Variants in GNAL observed in about 807,000 individuals in gnomAD.
GNAL encodes guanine nucleotide-binding protein G(olf) subunit alpha.
In GNAL, 18 loss-of-function variants were observed where a neutral mutation model predicts 55.1. That is an observed-to-expected ratio of 0.33 (90% CI 0.23 to 0.48). The LOEUF (loss-of-function observed/expected upper bound fraction) is 0.48. GNAL is among the 20% of genes least tolerant of loss of function. GNAL has a pLI of 0.99. For synonymous variants in GNAL, 253 were observed against 237.0 expected (o/e 1.07, Z -0.62); for missense variants, 412 against 614.1 (o/e 0.67, Z 3.48).
At chr18:11,795,728 G>A (rs576763602) in intron 4 of GNAL, among the ~76,000 whole-genome samples, 1 of 152,320 alleles carries the variant, frequency 6.6e-6, no homozygotes, top group Admixed American at 6.5e-5. Flanking sequence ...CCAAGCTGCA[G>A]GACAGCAGGA....
intron 4 of GNAL, among the ~76,000 whole-genome samples, chr18:11,790,425 C>T (rs1219782804): frequency 1.3e-5 from 2 of 152,144 alleles, no homozygotes; most frequent in African/African-American, 2.4e-5. Context: ...GTGTTGTTTA[C>T]AATAATGTAA....
chr18:11,863,949 T>C (rs766700045), intron 6 of GNAL, among the ~76,000 whole-genome samples: 32 of 152,148 alleles, frequency 2.1e-4, no homozygotes, highest in Non-Finnish European at 2.8e-4. Flanking sequence ...GGTTGTCAGG[T>C]ATATGTTAGT....
At chr18:11,861,627 G>T (rs787553) in intron 5 of GNAL, among the ~76,000 whole-genome samples, 129,274 of 152,090 alleles carry the variant, frequency 0.85, 56,915 homozygotes, top group East Asian at 0.97. Context: ...GAGAGGGCGG[G>T]GGAGGCCTGT....
rs376040486 is a variant in GNAL at position 11,868,504 on chromosome 18, A to T, written c.911-39A>T. Reference sequence around the variant, plus strand: ...ACTTTCTTGTAACTCCACAGTGAGGATGTCTAACTGAGGTGCTTTCCTTTT... The same window carrying T: ...ACTTTCTTGTAACTCCACAGTGAGGTTGTCTAACTGAGGTGCTTTCCTTTT... On this transcript the variant is annotated intron_variant, in intron 8 of 11. Coordinates refer to ENST00000334049, the MANE Select transcript of GNAL (RefSeq NM_182978.4). The surrounding 1 kb of genome is among the most constrained non-coding windows in gnomAD (Gnocchi z 4.0). 7 of 1,572,436 alleles carry T rather than the reference A, an allele frequency of 4.5e-6. No individual in the cohort carries two copies. In the African/African-American group the frequency reaches 8.2e-5, roughly 18 times the overall value.
At chr18:11,833,677 A>G (rs1267438272) in intron 5 of GNAL, 1 of 152,242 alleles carries the variant, frequency 6.6e-6, no homozygotes, top group African/African-American at 2.4e-5. Flanking sequence ...CTATACAGAA[A>G]GGATGCCTGG....
chr18:11,815,158 A>T (rs181406520), intron 4 of GNAL, among the ~76,000 whole-genome samples: 2 of 152,330 alleles, frequency 1.3e-5, no homozygotes, highest in East Asian at 3.9e-4. Flanking sequence ...ATAAATATTT[A>T]AAGTGATAGA....
chr18:11,701,153 T>C (rs2031558241), intron 1 of GNAL, among the ~76,000 whole-genome samples: 1 of 152,094 alleles, frequency 6.6e-6, no homozygotes, highest in Admixed American at 6.6e-5. Context: ...ATGGCAACAG[T>C]GTGGGTCAAG....
intron 4 of GNAL, among the ~76,000 whole-genome samples, chr18:11,758,069 G>A (rs1260269352): frequency 6.6e-6 from 1 of 152,194 alleles, no homozygotes; most frequent in Admixed American, 6.5e-5. Flanking sequence ...AATGAAAAGG[G>A]CTGGAATCAC....
chr18:11,804,066 G>A (rs1328740914), intron 4 of GNAL, among the ~76,000 whole-genome samples: 2 of 149,284 alleles, frequency 1.3e-5, no homozygotes, highest in Admixed American at 1.3e-4. Context: ...TTTGGAACAC[G>A]GAGATACTGT....
chr18:11,864,978 A>T (rs787555), intron 7 of GNAL, among the ~76,000 whole-genome samples: 1 of 152,102 alleles, frequency 6.6e-6, no homozygotes. Context: ...CTGCAAACTC[A>T]GCCAAATGAG....
At chr18:11,860,027 CG>C (rs1455159027) in intron 5 of GNAL, among the ~76,000 whole-genome samples, 3 of 152,190 alleles carry the variant, frequency 2.0e-5, no homozygotes, top group African/African-American at 7.2e-5. Flanking sequence ...GGATTAAAGG[CG>C]TGCACCACTG....
At chr18:11,750,167 G>C (rs73397871) in intron 1 of GNAL, among the ~76,000 whole-genome samples, 1 of 152,186 alleles carries the variant, frequency 6.6e-6, no homozygotes, top group South Asian at 2.1e-4. Context: ...GTTGGGGTTT[G>C]TAAGAAAATG....
intron 9 of GNAL, among the ~76,000 whole-genome samples, chr18:11,870,750 C>T (rs2036379735): frequency 6.6e-6 from 1 of 152,018 alleles, no homozygotes; most frequent in Non-Finnish European, 1.5e-5. Flanking sequence ...AAAGTTTCTT[C>T]TGAAATATTT....
chr18:11,715,189 GT>G (rs1313330766), intron 1 of GNAL, among the ~76,000 whole-genome samples: 2 of 151,604 alleles, frequency 1.3e-5, no homozygotes, highest in African/African-American at 4.8e-5. Flanking sequence ...GCCGGGCGCG[GT>G]GGCTCACGCC....
At chr18:11,859,929 G>C (rs111316553) in intron 5 of GNAL, among the ~76,000 whole-genome samples, 6 of 151,632 alleles carry the variant, frequency 4.0e-5, no homozygotes, top group African/African-American at 1.5e-4. Flanking sequence ...TGTAGTTTTC[G>C]TAGAGACAGG....
chr18:11,749,780 G>A (rs957669006), intron 1 of GNAL, among the ~76,000 whole-genome samples: 5 of 152,160 alleles, frequency 3.3e-5, no homozygotes, highest in African/African-American at 1.2e-4. Flanking sequence ...GGATAACTAG[G>A]GGGGTTGACC....
At chr18:11,830,283 T>TTC (rs10660844) in intron 5 of GNAL, among the ~76,000 whole-genome samples, 4 of 3,938 alleles carry the variant, frequency 1.0e-3, no homozygotes, top group Non-Finnish European at 1.9e-3. Flanking sequence ...GAATTGCATC[T>TTC]TTTTTTTTTT....
At chr18:11,690,476 T>C (rs1203271116) in intron 1 of GNAL, among the ~76,000 whole-genome samples, 1 of 152,022 alleles carries the variant, frequency 6.6e-6, no homozygotes, top group Non-Finnish European at 1.5e-5. Flanking sequence ...TTTTTTATTA[T>C]ACTTTAAGTT....
intron 4 of GNAL, among the ~76,000 whole-genome samples, chr18:11,762,699 C>T (rs1224239241): frequency 6.6e-6 from 1 of 152,200 alleles, no homozygotes; most frequent in Non-Finnish European, 1.5e-5. Flanking sequence ...TGGGCTTCCT[C>T]CTCAAGGCTG....
Sources: gnomAD v4.1 joint callset for allele counts (sites outside exome capture counted in the v4.1 genomes callset) on GRCh38, gnomAD v4.1.1 for gene constraint, Gnocchi (gnomAD v3.1) non-coding constraint, MANE v1.5 for transcripts, NCBI Gene and HGNC (gene_info 2026-07-23, HGNC 2026-07-21) for gene names.